SAMSN1: variants seen among roughly 807,000 people sequenced by gnomAD.
The protein encoded by SAMSN1 is SAM domain, SH3 domain and nuclear localization signals 1.
Under a neutral mutation model 42.0 loss-of-function variants are expected in SAMSN1, and 31 were observed. The ratio of observed to expected loss-of-function variants is 0.74; its 90% CI spans 0.55 to 1.00. SAMSN1 has a LOEUF of 1.00. Ranked by LOEUF, SAMSN1 falls within the 50% of genes least tolerant of loss-of-function variation. The pLI is 0.00. For missense variants in SAMSN1, 464 were observed against 439.4 expected (o/e 1.06, Z -0.50); for synonymous variants, 178 against 151.9 (o/e 1.17, Z -1.26).
intron 2 of SAMSN1, among the ~76,000 whole-genome samples, chr21:14,622,045 A>G (rs1422487106): frequency 1.3e-5 from 2 of 152,234 alleles, no homozygotes; most frequent in Admixed American, 1.3e-4. Context: ...AAACACCAAC[A>G]TACCTGCAGC....
intron 1 of SAMSN1, among the ~76,000 whole-genome samples, chr21:14,539,830 C>T (rs529040354): frequency 1.8e-3 from 270 of 152,208 alleles, no homozygotes; most frequent in African/African-American, 6.2e-3. Flanking sequence ...GAGCCCGCAT[C>T]GCCAAGTCAA....
chr21:14,507,749 T>C, intron 5 of SAMSN1, among the ~76,000 whole-genome samples: 1 of 151,882 alleles, frequency 6.6e-6, no homozygotes, highest in South Asian at 2.1e-4. Flanking sequence ...CAAAGCAAAC[T>C]TGAGCAAAAA....
intron 1 of SAMSN1, among the ~76,000 whole-genome samples, chr21:14,538,801 T>C (rs1979806576): frequency 6.6e-6 from 1 of 152,178 alleles, no homozygotes; most frequent in African/African-American, 2.4e-5. Context: ...AAAATTAGCA[T>C]CTGTGACACT....
At chr21:14,600,304 T>C (rs536602075) in intron 6 of SAMSN1, among the ~76,000 whole-genome samples, 220 of 152,324 alleles carry the variant, frequency 1.4e-3, no homozygotes, top group African/African-American at 5.1e-3. Flanking sequence ...AATAAATTAA[T>C]ATTTTGCATA....
intron 2 of SAMSN1, among the ~76,000 whole-genome samples, chr21:14,576,646 G>C (rs1440948683): frequency 7.0e-6 from 1 of 143,346 alleles, no homozygotes; most frequent in East Asian, 1.9e-4. Flanking sequence ...GTTGCGTAAA[G>C]AATTTTTCCA....
intron 1 of SAMSN1, among the ~76,000 whole-genome samples, chr21:14,529,751 A>G (rs976680960): frequency 1.3e-5 from 2 of 152,228 alleles, no homozygotes; most frequent in Admixed American, 1.3e-4. Flanking sequence ...AAAATAAAAG[A>G]AGTTAAAATG....
At chr21:14,651,560 A>G (rs188297894) in intron 1 of SAMSN1, among the ~76,000 whole-genome samples, 32 of 152,184 alleles carry the variant, frequency 2.1e-4, no homozygotes, top group African/African-American at 7.7e-4. Context: ...GCCTTATACA[A>G]TAGACCCACA....
chr21:14,547,521 T>C (rs967149215), upstream of SAMSN1, among the ~76,000 whole-genome samples: 1 of 152,192 alleles, frequency 6.6e-6, no homozygotes, highest in Non-Finnish European at 1.5e-5. Context: ...TATATGAAAC[T>C]CTGGTTCCAT....
intron 5 of SAMSN1, among the ~76,000 whole-genome samples, chr21:14,509,639 C>G (rs1036382263): frequency 6.6e-6 from 1 of 152,180 alleles, no homozygotes; most frequent in Admixed American, 6.5e-5. Flanking sequence ...CACCTTGTCT[C>G]CCTCTCTCTT....
intron 2 of SAMSN1, among the ~76,000 whole-genome samples, chr21:14,558,273 C>T (rs1397893314): frequency 6.6e-6 from 1 of 151,908 alleles, no homozygotes; most frequent in East Asian, 1.9e-4. Context: ...GAATCCGTAC[C>T]CCTCAAAACT....
intron 1 of SAMSN1, among the ~76,000 whole-genome samples, chr21:14,533,586 G>A (rs1401917546): frequency 6.6e-6 from 1 of 152,086 alleles, no homozygotes; most frequent in Non-Finnish European, 1.5e-5. Context: ...CAACAAGTAT[G>A]GGAACTTTAT....
intron 3 of SAMSN1, among the ~76,000 whole-genome samples, chr21:14,614,605 G>A (rs1247751658): frequency 6.6e-6 from 1 of 152,096 alleles, no homozygotes; most frequent in Non-Finnish European, 1.5e-5. Context: ...TAAAACGAAG[G>A]TGACCCTTTT....
rs142173218 is a variant in SAMSN1, at chr21:14,634,996, T to C, written c.156+8006A>G. Among the ~76,000 whole-genome samples, 524 of 152,292 alleles carry C rather than the reference T, an allele frequency of 3.4e-3. 2 individuals are homozygous for C. The highest frequency in any genetic ancestry group is 0.011 in the African/African-American group (455 of 41,562). On this transcript the variant is annotated intron_variant, in intron 2 of 15. Transcript: ENST00000647101. ...TACATATACACCATGAAATACTATG[T>C]GGCCATAAAGAGGAATGAGATCATG... is the stretch of plus-strand genomic sequence containing the variant.
At position 14,609,048 on chromosome 21, in the gene SAMSN1, C is replaced by T. The variant is rs1157319223; in HGVS notation, c.322+434G>A. 2.6e-5 allele frequency among the ~76,000 whole-genome samples: 4 copies of T among 152,132 alleles called. No individual in the cohort carries two copies. In the East Asian group the frequency reaches 5.8e-4, roughly 22 times the overall value. On this transcript the variant is annotated intron_variant, in intron 5 of 15. Transcript: ENST00000647101. ...AAATTTTTACATTATAAAATGACTCCATTTTATATTCATAATCAAGGTTAT... is the reference window on the plus strand; with the variant it reads ...AAATTTTTACATTATAAAATGACTCTATTTTATATTCATAATCAAGGTTAT...
intron 1 of SAMSN1, among the ~76,000 whole-genome samples, chr21:14,653,959 G>A (rs1039099042): frequency 6.6e-6 from 1 of 151,814 alleles, no homozygotes; most frequent in Non-Finnish European, 1.5e-5. Flanking sequence ...TAATATTAAT[G>A]TTTAGAACAT....
intron 2 of SAMSN1, among the ~76,000 whole-genome samples, chr21:14,566,053 T>A (rs1432304660): frequency 6.6e-6 from 1 of 152,202 alleles, no homozygotes; most frequent in African/African-American, 2.4e-5. Context: ...AAAGACATAA[T>A]CTTACCTTTT....
chr21:14,646,813 CTTGT>C (rs1178607511), intron 1 of SAMSN1, among the ~76,000 whole-genome samples: 2 of 152,078 alleles, frequency 1.3e-5, no homozygotes, highest in Admixed American at 6.6e-5. Context: ...TTTCTTTTTG[CTTGT>C]TTGTTTGTGC....
rs117841507 is a variant in SAMSN1, at chr21:14,568,409, C to T, written c.261+13727G>A. Among the ~76,000 whole-genome samples the T allele has an allele frequency of 4.7e-3, 712 of 152,278 alleles. 15 individuals carry two copies. In the East Asian group the frequency reaches 0.057, roughly 12 times the overall value. On this transcript the variant is annotated intron_variant, in intron 2 of 8. Transcript: ENST00000285670. ...ACTGGAAAAACACCACATATTATTTCTTGCCTATTTATTTTAAAACTGAGT... is the reference window on the plus strand; with the variant it reads ...ACTGGAAAAACACCACATATTATTTTTTGCCTATTTATTTTAAAACTGAGT...
upstream of SAMSN1, among the ~76,000 whole-genome samples, chr21:14,584,507 A>T (rs191853260): frequency 8.5e-5 from 13 of 152,326 alleles, 1 homozygote; most frequent in East Asian, 2.3e-3. Context: ...TTGTATTTAT[A>T]CAGCTTTTAC....
Sources: allele counts gnomAD v4.1 joint callset (sites outside exome capture counted in the v4.1 genomes callset), GRCh38; gene constraint gnomAD v4.1.1; transcripts MANE v1.5; gene names NCBI Gene and HGNC (gene_info 2026-07-23, HGNC 2026-07-21).